PCDH11X: variants seen among roughly 807,000 people sequenced by gnomAD.
The protein encoded by PCDH11X is protocadherin-11 X-linked.
PCDH11X carries 18 observed loss-of-function variants against 53.3 expected under a neutral mutation model. The observed-to-expected ratio is 0.34, with a 90% CI of 0.23 to 0.50. The LOEUF (loss-of-function observed/expected upper bound fraction) is 0.50. Among genes scored for constraint, PCDH11X ranks in the 20% least tolerant of loss-of-function variants. PCDH11X has a pLI of 0.98. For synonymous variants in PCDH11X, 279 were observed against 393.3 expected (o/e 0.71, Z 3.44); for missense variants, 570 against 1,032.4 (o/e 0.55, Z 6.14).
chrX:91,854,697 T>G (rs764667865), intron 5 of PCDH11X, among the ~76,000 whole-genome samples: 1 of 112,033 alleles, frequency 8.9e-6, no homozygotes, highest in African/African-American at 3.2e-5. Flanking sequence ...AGCCAGGGGG[T>G]GAGATAATAT....
At chrX:91,895,816 T>C in intron 6 of PCDH11X, among the ~76,000 whole-genome samples, 1 of 107,343 alleles carries the variant, frequency 9.3e-6, no homozygotes, top group Middle Eastern at 5.0e-3. Context: ...TATATTTACA[T>C]ATTACATGTA....
At chrX:92,146,077 G>A (rs2065263172) in intron 6 of PCDH11X, among the ~76,000 whole-genome samples, 1 of 109,364 alleles carries the variant, frequency 9.1e-6, no homozygotes, top group Non-Finnish European at 1.9e-5. Flanking sequence ...TAAAACCTAG[G>A]AGACATTCTA....
intron 8 of PCDH11X, among the ~76,000 whole-genome samples, chrX:92,328,497 T>G (rs958361032): frequency 1.3e-4 from 14 of 110,477 alleles, no homozygotes; most frequent in Admixed American, 1.1e-3. Flanking sequence ...TGGAGAAAAT[T>G]AGTGAAACCA....
chrX:92,553,431 T>C (rs2074996005), intron 10 of PCDH11X, among the ~76,000 whole-genome samples: 1 of 110,490 alleles, frequency 9.1e-6, no homozygotes, highest in Admixed American at 9.7e-5. Flanking sequence ...GCGTCTCCTT[T>C]AGCATTTCTA....
chrX:91,848,262 C>T (rs1487103060), intron 5 of PCDH11X, among the ~76,000 whole-genome samples: 3 of 107,693 alleles, frequency 2.8e-5, no homozygotes, highest in African/African-American at 6.8e-5. Context: ...TGCAATGATG[C>T]GATCTCGGCT....
chrX:92,359,307 C>G (rs1369713829), intron 8 of PCDH11X, among the ~76,000 whole-genome samples: 1 of 109,934 alleles, frequency 9.1e-6, no homozygotes, highest in African/African-American at 3.3e-5. Flanking sequence ...AAAGAAAGAG[C>G]ACTGTGAGAA....
At chrX:91,794,133 C>T (rs2147526338) in intron 1 of PCDH11X, among the ~76,000 whole-genome samples, 1 of 112,096 alleles carries the variant, frequency 8.9e-6, no homozygotes, top group Non-Finnish European at 1.9e-5. Context: ...CTTAAAACTA[C>T]AGTTCTACAT....
intron 10 of PCDH11X, among the ~76,000 whole-genome samples, chrX:92,531,772 A>G (rs5984985): frequency 0.37 from 40,076 of 109,413 alleles, 5,518 homozygotes; most frequent in Non-Finnish European, 0.41. Context: ...TATATTTCAG[A>G]GAAAAAATCA....
chrX:92,545,128 A>C (rs1223945004), intron 10 of PCDH11X, among the ~76,000 whole-genome samples: 1 of 111,549 alleles, frequency 9.0e-6, no homozygotes, highest in Non-Finnish European at 1.9e-5. Context: ...AGCTTTTGGT[A>C]CACTCTGTGG....
intron 8 of PCDH11X, among the ~76,000 whole-genome samples, chrX:92,360,343 G>A (rs749899419): frequency 1.8e-5 from 2 of 111,139 alleles, no homozygotes; most frequent in South Asian, 7.4e-4. Flanking sequence ...TAGGGTGATA[G>A]CATCATTCGC....
intron 6 of PCDH11X, among the ~76,000 whole-genome samples, chrX:92,060,394 T>A (rs1206014205): frequency 6.0e-5 from 6 of 100,790 alleles, no homozygotes; most frequent in African/African-American, 2.2e-4. Context: ...GCAAATTGCA[T>A]GTTACAGGAG....
chrX:91,849,669 G>A (rs1178223014), intron 5 of PCDH11X, among the ~76,000 whole-genome samples: 1 of 110,962 alleles, frequency 9.0e-6, no homozygotes, highest in Non-Finnish European at 1.9e-5. Flanking sequence ...ATATATCCCA[G>A]TGTTGTCAAA....
At chrX:91,843,884 T>G (rs1296185303) in intron 5 of PCDH11X, among the ~76,000 whole-genome samples, 1 of 111,512 alleles carries the variant, frequency 9.0e-6, no homozygotes, top group African/African-American at 3.3e-5. Context: ...TGGTAATTCT[T>G]GTGCTAGTTG....
rs1940619259 is a variant in PCDH11X at position 91,893,823 on chromosome X, C to G, written c.3033+14550C>G. On this transcript the variant is annotated intron_variant, in intron 6 of 10. Coordinates refer to ENST00000682573, the MANE Select transcript of PCDH11X (RefSeq NM_032968.5). ...AATGCAGAAACTACATATCCCTACT[C>G]AAAACTGACTATATATATATAAAAT... Among the ~76,000 whole-genome samples, 5 of 111,103 alleles carry G rather than the reference C, an allele frequency of 4.5e-5. No homozygotes were observed. The South Asian group carries it at 1.9e-3, about 42-fold the overall frequency.
chrX:92,180,351 C>T (rs2065974971), intron 6 of PCDH11X, among the ~76,000 whole-genome samples: 1 of 110,775 alleles, frequency 9.0e-6, no homozygotes, highest in Non-Finnish European at 1.9e-5. Context: ...GACACAGAGC[C>T]AAACCATATC....
chrX:91,902,434 A>AT (rs1449125365), intron 6 of PCDH11X, among the ~76,000 whole-genome samples: 5 of 103,722 alleles, frequency 4.8e-5, no homozygotes, highest in East Asian at 3.2e-4. Context: ...TTCCCTTCTG[A>AT]TTTTTTTTGG....
rs751332097 is a variant in PCDH11X, at chrX:91,998,894, C to CTTTTATTTTA, written c.3033+119646_3033+119655dup. On this transcript the variant is annotated intron_variant, in intron 6 of 10. Transcript: ENST00000682573. ...ATAGTATGTTTGCATGTTTCTTTTC[C>CTTTTATTTTA]TTTTATTTTATTTTATTTTATTTTA... Among the ~76,000 whole-genome samples, 390 of 108,667 alleles carry CTTTTATTTTA rather than the reference C, an allele frequency of 3.6e-3. 4 individuals carry two copies. The highest frequency in any genetic ancestry group is 0.012 in the African/African-American group (365 of 29,519). 94.4% of individuals were successfully genotyped at this position (108,667 alleles called of 115,157 possible).
chrX:92,308,354 A>G (rs1250292322), intron 8 of PCDH11X, among the ~76,000 whole-genome samples: 3 of 111,684 alleles, frequency 2.7e-5, no homozygotes, highest in Admixed American at 1.9e-4. Context: ...TATCATGTAT[A>G]TGGTTAAATG....
chrX:91,800,706 T>C (rs1226104330), intron 1 of PCDH11X, among the ~76,000 whole-genome samples: 3 of 111,264 alleles, frequency 2.7e-5, no homozygotes, highest in Non-Finnish European at 5.7e-5. Context: ...TTTAGACCCT[T>C]TCTACTGCTA....
Sources: allele counts gnomAD v4.1 joint callset (sites outside exome capture counted in the v4.1 genomes callset), GRCh38; gene constraint gnomAD v4.1.1; transcripts MANE v1.5; gene names NCBI Gene and HGNC (gene_info 2026-07-23, HGNC 2026-07-21).